Variants in HMGCLL1 observed in about 807,000 individuals in gnomAD.
HMGCLL1 encodes the protein 3-hydroxy-3-methylglutaryl-CoA lyase like 1, also known as 3-hydroxymethyl-3-methylglutaryl-CoA lyase, cytoplasmic.
Under a neutral mutation model 39.1 loss-of-function variants are expected in HMGCLL1, and 36 were observed. The ratio of observed to expected loss-of-function variants is 0.92; its 90% CI spans 0.71 to 1.22. HMGCLL1 has a LOEUF of 1.22. Among genes scored for constraint, HMGCLL1 ranks in the 50% most tolerant of loss-of-function variants. The probability of loss-of-function intolerance (pLI) is 0.00; values close to 1 mark genes in which losing one functional copy is unlikely to be tolerated. For missense variants in HMGCLL1, 451 were observed against 416.5 expected (o/e 1.08, Z -0.72); for synonymous variants, 149 against 144.0 (o/e 1.03, Z -0.25).
the HMGCLL1 span, among the ~76,000 whole-genome samples, chr6:55,666,389 T>C: frequency 2.0e-5 from 3 of 151,698 alleles, no homozygotes; most frequent in African/African-American, 7.3e-5. Flanking sequence ...TCAGTTACTG[T>C]ACTTTGTGAA....
chr6:55,515,637 T>C (rs1767698475), intron 4 of HMGCLL1, among the ~76,000 whole-genome samples: 2 of 152,152 alleles, frequency 1.3e-5, no homozygotes, highest in Non-Finnish European at 2.9e-5. Context: ...TGAGTTAACA[T>C]GAGAGTGTCC....
At chr6:55,587,650 A>C in the HMGCLL1 span, among the ~76,000 whole-genome samples, 1 of 152,130 alleles carries the variant, frequency 6.6e-6, no homozygotes, top group Non-Finnish European at 1.5e-5. Context: ...TGCTGTATTC[A>C]GGAAACCCAT....
chr6:55,535,605 C>T (rs1055340338), intron 3 of HMGCLL1, among the ~76,000 whole-genome samples: 22 of 152,030 alleles, frequency 1.4e-4, no homozygotes, highest in Admixed American at 5.9e-4. Context: ...GTTTAAGTCT[C>T]CCTCCCTCTT....
the HMGCLL1 span, among the ~76,000 whole-genome samples, chr6:55,660,091 T>C: frequency 6.6e-6 from 1 of 151,810 alleles, no homozygotes; most frequent in African/African-American, 2.4e-5. Flanking sequence ...AACTCAATAA[T>C]TGGTTTGTGA....
At chr6:55,492,819 T>G (rs1561915281) in intron 7 of HMGCLL1, among the ~76,000 whole-genome samples, 1 of 152,086 alleles carries the variant, frequency 6.6e-6, no homozygotes, top group African/African-American at 2.4e-5. Context: ...CTTCCCTCCC[T>G]TCTGCCCCAG....
chr6:55,438,792 C>G (rs1763472664), intron 8 of HMGCLL1, among the ~76,000 whole-genome samples: 1 of 152,030 alleles, frequency 6.6e-6, no homozygotes, highest in African/African-American at 2.4e-5. Context: ...AATGTCTAAT[C>G]ATCTGTGATT....
At chr6:55,528,372 G>A (rs981991018) in intron 3 of HMGCLL1, among the ~76,000 whole-genome samples, 18 of 152,180 alleles carry the variant, frequency 1.2e-4, no homozygotes, top group Non-Finnish European at 2.1e-4. Flanking sequence ...TCTTAAAGGC[G>A]ATACATTCGT....
chr6:55,660,906 A>T, the HMGCLL1 span, among the ~76,000 whole-genome samples: 1 of 151,862 alleles, frequency 6.6e-6, no homozygotes, highest in South Asian at 2.1e-4. Flanking sequence ...TCTTAATAAT[A>T]GTCATTCTGA....
chr6:55,639,713 C>T, the HMGCLL1 span, among the ~76,000 whole-genome samples: 1 of 151,986 alleles, frequency 6.6e-6, no homozygotes, highest in Non-Finnish European at 1.5e-5. Context: ...TCTAGTTTTC[C>T]TTCACTAGTT....
intron 5 of HMGCLL1, among the ~76,000 whole-genome samples, chr6:55,508,483 C>T (rs1767276387): frequency 6.6e-6 from 1 of 151,734 alleles, no homozygotes; most frequent in Non-Finnish European, 1.5e-5. Context: ...ATTCAGAGTA[C>T]TTCTTCCAGG....
the HMGCLL1 span, among the ~76,000 whole-genome samples, chr6:55,585,036 T>A: frequency 1.3e-5 from 2 of 152,040 alleles, no homozygotes; most frequent in South Asian, 4.1e-4. Flanking sequence ...ATCTGGCTGA[T>A]CTAAATTGAT....
intron 7 of HMGCLL1, among the ~76,000 whole-genome samples, chr6:55,468,114 C>T (rs1023764552): frequency 6.6e-6 from 1 of 151,934 alleles, no homozygotes; most frequent in Non-Finnish European, 1.5e-5. Context: ...GGCAACCTAA[C>T]AAGGGTTGGG....
chr6:55,473,023 G>C (rs577891573), intron 7 of HMGCLL1, among the ~76,000 whole-genome samples: 1 of 150,262 alleles, frequency 6.7e-6, no homozygotes, highest in Admixed American at 6.7e-5. Context: ...TTTTTCTTTT[G>C]CGAAGTCCAC....
the HMGCLL1 span, among the ~76,000 whole-genome samples, chr6:55,611,641 T>G: frequency 1.3e-5 from 2 of 152,168 alleles, no homozygotes; most frequent in African/African-American, 4.8e-5. Context: ...AACTCCTGGA[T>G]GCAAGGCAGG....
intron 7 of HMGCLL1, among the ~76,000 whole-genome samples, chr6:55,443,901 C>T (rs554486125): frequency 2.0e-5 from 3 of 151,226 alleles, no homozygotes; most frequent in African/African-American, 4.8e-5. Flanking sequence ...AGAAGACATA[C>T]GTCATTTCAT....
chr6:55,593,909 C>A, the HMGCLL1 span, among the ~76,000 whole-genome samples: 1 of 152,150 alleles, frequency 6.6e-6, no homozygotes, highest in Non-Finnish European at 1.5e-5. Flanking sequence ...GTCACAATAG[C>A]TAATAAGTGA....
At chr6:55,557,991 G>T (rs921477538) in intron 1 of HMGCLL1, among the ~76,000 whole-genome samples, 2 of 152,118 alleles carry the variant, frequency 1.3e-5, no homozygotes, top group South Asian at 4.1e-4. Context: ...CCTTACTCAG[G>T]TTTGGTTGAA....
At chr6:55,453,864 C>A (rs953201062) in intron 7 of HMGCLL1, among the ~76,000 whole-genome samples, 1 of 152,102 alleles carries the variant, frequency 6.6e-6, no homozygotes, top group Non-Finnish European at 1.5e-5. Context: ...ATACCATTAA[C>A]AAAGCACTGA....
chr6:55,665,400 A>T, the HMGCLL1 span, among the ~76,000 whole-genome samples: 1 of 151,738 alleles, frequency 6.6e-6, no homozygotes, highest in Non-Finnish European at 1.5e-5. Flanking sequence ...GTTTTCATTC[A>T]TCAGGGCAGC....
Sources: allele counts gnomAD v4.1 joint callset (sites outside exome capture counted in the v4.1 genomes callset), GRCh38; gene constraint gnomAD v4.1.1; transcripts MANE v1.5; gene names NCBI Gene and HGNC (gene_info 2026-07-23, HGNC 2026-07-21).